The following ARHGAP35 variants were observed in gnomAD, a reference collection of about 807,000 sequenced individuals.
ARHGAP35 encodes the protein Rho GTPase activating protein 35, also known as rho GTPase-activating protein 35.
Under a neutral mutation model 111.1 loss-of-function variants are expected in ARHGAP35, and 15 were observed. The ratio of observed to expected loss-of-function variants is 0.13; its 90% CI spans 0.09 to 0.21. The LOEUF (loss-of-function observed/expected upper bound fraction) is 0.21. Ranked by LOEUF, ARHGAP35 falls within the 10% of genes least tolerant of loss-of-function variation. The pLI is 1.00. For synonymous variants in ARHGAP35, 643 were observed against 710.3 expected (o/e 0.91, Z 1.51); for missense variants, 1,262 against 1,873.0 (o/e 0.67, Z 6.02).
At chr19:46,914,554 C>T (rs1342928015) in intron 1 of ARHGAP35, among the ~76,000 whole-genome samples, 3 of 152,142 alleles carry the variant, frequency 2.0e-5, no homozygotes, top group Admixed American at 2.0e-4. Context: ...GAGTTGGAGG[C>T]TGCAGTGAGC....
intron 1 of ARHGAP35, among the ~76,000 whole-genome samples, chr19:46,883,000 G>A (rs1207661934): frequency 6.6e-6 from 1 of 152,176 alleles, no homozygotes; most frequent in East Asian, 1.9e-4. Context: ...TCTTCACTAG[G>A]CTTAATCATT....
At chr19:46,973,931 G>A (rs1387444905) in intron 3 of ARHGAP35, among the ~76,000 whole-genome samples, 1 of 151,890 alleles carries the variant, frequency 6.6e-6, no homozygotes, top group Non-Finnish European at 1.5e-5. Flanking sequence ...AGGAGGCGGA[G>A]GCTGCAGTGA....
chr19:46,888,319 A>ATATAT (rs2056006031), intron 1 of ARHGAP35, among the ~76,000 whole-genome samples: 3 of 51,180 alleles, frequency 5.9e-5, no homozygotes, highest in Non-Finnish European at 1.1e-4. Flanking sequence ...TATATATATA[A>ATATAT]AATATTGATT....
rs2056187716 is a variant in ARHGAP35, at chr19:46,919,907, C to A, written c.1232C>A (p.Pro411His). Residue 411 changes from proline (P) to histidine (H), a missense_variant, in exon 2 of 7, where the codon CCT becomes CAT. Pro to His is a moderately conservative substitution (Grantham distance 77, BLOSUM62 -2). Transcript: ENST00000672722. The surrounding 1 kb of genome is among the most constrained non-coding windows in gnomAD (Gnocchi z 6.2). Reference sequence around the variant, plus strand: ...CCCTTTGATTTAATGGATACCGTCCCTGCAGAGCAGCTATACGAGGCCCAC... The same window carrying A: ...CCCTTTGATTTAATGGATACCGTCCATGCAGAGCAGCTATACGAGGCCCAC... ...RIPFDLMDTV[P>H]AEQLYEAHLE... The A allele has an allele frequency of 6.2e-7, 1 of 1,613,966 alleles. No individual in the cohort carries two copies. The highest frequency in any genetic ancestry group is 8.5e-7 in the Non-Finnish European group (1 of 1,179,890).
intron 1 of ARHGAP35, among the ~76,000 whole-genome samples, chr19:46,884,836 T>G (rs1340834407): frequency 6.6e-6 from 1 of 152,124 alleles, no homozygotes; most frequent in Non-Finnish European, 1.5e-5. Flanking sequence ...CAAATGATCC[T>G]CCTGCCTCAG....
intron 3 of ARHGAP35, among the ~76,000 whole-genome samples, chr19:46,982,175 G>A (rs1174221960): frequency 6.6e-6 from 1 of 150,424 alleles, no homozygotes; most frequent in Non-Finnish European, 1.5e-5. Flanking sequence ...GGAAGACCAA[G>A]ACTGAAAACT....
At chr19:46,868,860 T>G (rs1196132081) in intron 1 of ARHGAP35, among the ~76,000 whole-genome samples, 1 of 150,554 alleles carries the variant, frequency 6.6e-6, no homozygotes, top group East Asian at 1.9e-4. Flanking sequence ...AATACATCTT[T>G]CCTCTTGAGT....
At chr19:46,968,584 ACTGATG>A (rs1361368428) in intron 3 of ARHGAP35, among the ~76,000 whole-genome samples, 1 of 152,214 alleles carries the variant, frequency 6.6e-6, no homozygotes, top group Admixed American at 6.5e-5. Flanking sequence ...CAAATATCCC[ACTGATG>A]AGTGAATGGA....
chr19:46,974,482 G>A (rs1174330669), intron 3 of ARHGAP35, among the ~76,000 whole-genome samples: 2 of 152,100 alleles, frequency 1.3e-5, no homozygotes. Flanking sequence ...TTATTATAAA[G>A]GATATAACTC....
intron 3 of ARHGAP35, among the ~76,000 whole-genome samples, chr19:46,939,899 C>G (rs1346452974): frequency 1.3e-5 from 2 of 151,546 alleles, no homozygotes; most frequent in African/African-American, 4.8e-5. Context: ...AGACAAAACA[C>G]TGTTTTGGTC....
intron 1 of ARHGAP35, among the ~76,000 whole-genome samples, chr19:46,877,740 CTTG>C (rs1337228069): frequency 2.0e-5 from 3 of 151,404 alleles, no homozygotes; most frequent in Non-Finnish European, 2.9e-5. Context: ...CAGTTTCGCT[CTTG>C]TTGGCCAGGC....
chr19:46,861,343 G>GCC (rs1025046699), intron 1 of ARHGAP35, among the ~76,000 whole-genome samples, 134 bp downstream of exon 1: 39 of 138,504 alleles, frequency 2.8e-4, no homozygotes, highest in African/African-American at 1.0e-3. Flanking sequence ...GGGAGGAGCG[G>GCC]CCCCCCCCCC....
In ARHGAP35 at chr19:46,989,018, A is replaced by G. The variant is rs2056665819; in HGVS notation, c.3905-526A>G. 2 of 161,506 alleles carry G rather than the reference A, an allele frequency of 1.2e-5. No homozygotes were observed. Among genetic ancestry groups the G allele is most frequent in the South Asian group, 3.5e-4 (2 of 5,742 alleles). The allele number at this position is 161,506 out of a possible 1,614,324, so 10.0% of individuals were successfully genotyped here. A position where few individuals can be genotyped will look rare whatever the true frequency, so the allele number is the denominator to read the frequency against. ...CAGGAACGCACTGAAGTATGTATGC[A>G]ATGAGAAGGAAAGCATGACATGGGT... is the stretch of plus-strand genomic sequence containing the variant. On this transcript the variant is annotated intron_variant, in intron 4 of 6. Coordinates refer to ENST00000672722, the MANE Select transcript of ARHGAP35 (RefSeq NM_004491.5). The surrounding 1 kb of genome is among the most constrained non-coding windows in gnomAD (Gnocchi z 5.3).
intron 2 of ARHGAP35, 44 bp from the exon 3 acceptor site, chr19:46,937,220 A>G (rs1234501752): frequency 1.9e-6 from 3 of 1,610,554 alleles, no homozygotes; most frequent in East Asian, 2.2e-5. Context: ...TTACATGTTG[A>G]TACTCACTTT....
chr19:46,968,841 C>T (rs2056529196), intron 3 of ARHGAP35, among the ~76,000 whole-genome samples: 3 of 152,132 alleles, frequency 2.0e-5, no homozygotes, highest in African/African-American at 7.2e-5. Flanking sequence ...AATCCCAGCA[C>T]TTTGGGAGGC....
Position 46,921,621 on chromosome 19 carries a change from G to T in ARHGAP35, c.2946G>T (p.Leu982=), listed in dbSNP as rs2056201300. The T allele has an allele frequency of 1.2e-6, 2 of 1,613,786 alleles. No individual in the cohort carries two copies. The highest frequency in any genetic ancestry group is 1.3e-5 in the African/African-American group (1 of 74,884). The change falls in exon 2 of 7, where the codon CTG becomes CTT. Residue 982 remains leucine, a synonymous_variant. Transcript: ENST00000672722. This position sits in a 1 kb window ranked among gnomAD's most constrained non-coding sequence, Gnocchi z 4.3. The part of the protein sequence containing the change: ...RAGSPLCNSN[L]QDSEEDIEPS... ...GATCACCGCTCTGCAACTCAAACCT[G>T]CAGGATTCAGAAGAAGATATCGAGC...
chr19:46,875,121 G>T (rs551427974), intron 1 of ARHGAP35, among the ~76,000 whole-genome samples: 2 of 152,064 alleles, frequency 1.3e-5, no homozygotes, highest in East Asian at 3.9e-4. Context: ...CCCATTTTGT[G>T]TTGGATAAGC....
At chr19:46,868,892 G>GTTT in intron 1 of ARHGAP35, among the ~76,000 whole-genome samples, 1 of 97,470 alleles carries the variant, frequency 1.0e-5, no homozygotes, top group African/African-American at 4.2e-5. Flanking sequence ...AGCTCACCGT[G>GTTT]ATTTTTTTTT....
intron 1 of ARHGAP35, among the ~76,000 whole-genome samples, chr19:46,885,526 CCCT>C (rs1034084538): frequency 6.6e-5 from 10 of 152,078 alleles, no homozygotes; most frequent in Admixed American, 5.2e-4. Context: ...CTGCCCACCT[CCCT>C]CCTCTCTCTC....
Sources: allele counts gnomAD v4.1 joint callset (sites outside exome capture counted in the v4.1 genomes callset), GRCh38; gene constraint gnomAD v4.1.1; non-coding constraint Gnocchi (gnomAD v3.1); transcripts MANE v1.5; gene names NCBI Gene and HGNC (gene_info 2026-07-23, HGNC 2026-07-21).